FAM184A: variants seen among roughly 807,000 people sequenced by gnomAD.
FAM184A encodes the protein family with sequence similarity 184 member A.
In FAM184A, 99 loss-of-function variants were observed where a neutral mutation model predicts 143.8. The ratio of observed to expected loss-of-function variants is 0.69; its 90% confidence interval spans 0.58 to 0.81. The LOEUF (loss-of-function observed/expected upper bound fraction) is 0.81. FAM184A is among the 40% of genes least tolerant of loss of function. FAM184A has a pLI of 0.00. For synonymous variants in FAM184A, 427 were observed against 446.4 expected (o/e 0.96, Z 0.55); for missense variants, 1,217 against 1,310.5 (o/e 0.93, Z 1.10).
chr6:119,133,275 A>G (rs1457205477), intron 1 of FAM184A, among the ~76,000 whole-genome samples: 3 of 152,156 alleles, frequency 2.0e-5, no homozygotes, highest in Non-Finnish European at 4.4e-5. Context: ...AGTTTGATTT[A>G]TTCTGAATTG....
intron 1 of FAM184A, among the ~76,000 whole-genome samples, chr6:119,140,858 C>T (rs1477287477): frequency 6.6e-6 from 1 of 152,234 alleles, no homozygotes; most frequent in African/African-American, 2.4e-5. Flanking sequence ...CAGCCACTGT[C>T]TTTTCTATTA....
intron 1 of FAM184A, among the ~76,000 whole-genome samples, chr6:119,074,349 G>A (rs1429674136): frequency 1.3e-5 from 2 of 152,204 alleles, no homozygotes; most frequent in Non-Finnish European, 2.9e-5. Context: ...CCCCTTGCAA[G>A]AGACAGAGCA....
chr6:118,968,944 G>A (rs1783583241), intron 14 of FAM184A, among the ~76,000 whole-genome samples: 1 of 152,062 alleles, frequency 6.6e-6, no homozygotes, highest in Non-Finnish European at 1.5e-5. Flanking sequence ...ATCTGATATA[G>A]TTTGGCTGTG....
chr6:119,003,980 A>G (rs375113041), intron 7 of FAM184A, among the ~76,000 whole-genome samples: 76 of 152,286 alleles, frequency 5.0e-4, no homozygotes, highest in African/African-American at 1.7e-3. Flanking sequence ...ATAGACAGAT[A>G]TGTTATTCAA....
At chr6:119,099,252 CA>C (rs1354195138) in intron 1 of FAM184A, among the ~76,000 whole-genome samples, 1 of 152,130 alleles carries the variant, frequency 6.6e-6, no homozygotes, top group Non-Finnish European at 1.5e-5. Flanking sequence ...TCCTTTGTAA[CA>C]AGCCAGTGTT....
At chr6:119,136,643 C>T (rs1204888088) in intron 1 of FAM184A, among the ~76,000 whole-genome samples, 2 of 152,288 alleles carry the variant, frequency 1.3e-5, no homozygotes, top group African/African-American at 2.4e-5. Context: ...ATTAGGGTAG[C>T]TCCAGGAATC....
intron 1 of FAM184A, among the ~76,000 whole-genome samples, chr6:119,061,830 C>G (rs1787262558): frequency 6.6e-6 from 1 of 151,892 alleles, no homozygotes; most frequent in African/African-American, 2.4e-5. Context: ...ACAAAAGTAC[C>G]CTGATCTGAT....
chr6:119,057,584 T>A lies in FAM184A; in HGVS notation c.159+20557A>T, dbSNP rs192615434. On this transcript the variant is annotated intron_variant, in intron 1 of 17. Transcript: ENST00000338891. ...TGAGACCCCCAACTGTACAAAAAAATTTTTTTAATTATTCAGGTGTGGTGG... is the reference window on the plus strand; with the variant it reads ...TGAGACCCCCAACTGTACAAAAAAAATTTTTTAATTATTCAGGTGTGGTGG... 3.6e-3 allele frequency among the ~76,000 whole-genome samples: 546 copies of A among 151,980 alleles called. 1 individual carries two copies. The highest frequency in any genetic ancestry group is 6.3e-3 in the Non-Finnish European group (426 of 67,964).
chr6:119,053,507 C>T (rs151244865), intron 1 of FAM184A, among the ~76,000 whole-genome samples: 101 of 152,298 alleles, frequency 6.6e-4, no homozygotes, highest in African/African-American at 2.2e-3. Flanking sequence ...AACAGCCTAA[C>T]GCCAATTGTG....
At chr6:118,969,419 A>G (rs1783601699) in intron 14 of FAM184A, among the ~76,000 whole-genome samples, 1 of 152,232 alleles carries the variant, frequency 6.6e-6, no homozygotes. Flanking sequence ...CACAAACAGG[A>G]AAGCATTAAA....
chr6:119,074,258 G>A (rs1449299413), intron 1 of FAM184A, among the ~76,000 whole-genome samples: 1 of 152,162 alleles, frequency 6.6e-6, no homozygotes, highest in African/African-American at 2.4e-5. Flanking sequence ...AACCAGAACT[G>A]GCAAGACAAA....
chr6:119,138,920 C>T (rs1241959376), intron 1 of FAM184A, among the ~76,000 whole-genome samples: 1 of 152,118 alleles, frequency 6.6e-6, no homozygotes, highest in African/African-American at 2.4e-5. Context: ...GCCACCGCAC[C>T]CAGCCCCTTT....
intron 9 of FAM184A, among the ~76,000 whole-genome samples, chr6:118,993,883 T>C (rs2114617568): frequency 6.6e-6 from 1 of 152,270 alleles, no homozygotes; most frequent in African/African-American, 2.4e-5. Context: ...ATCAAAGCCC[T>C]TCAACAGTTC....
At chr6:119,048,122 A>G (rs1044799207) in intron 1 of FAM184A, among the ~76,000 whole-genome samples, 1 of 152,252 alleles carries the variant, frequency 6.6e-6, no homozygotes, top group African/African-American at 2.4e-5. Flanking sequence ...AGAACTAAAG[A>G]CAAAAGCCAC....
At chr6:119,056,322 T>C (rs1342392141) in intron 1 of FAM184A, among the ~76,000 whole-genome samples, 1 of 152,142 alleles carries the variant, frequency 6.6e-6, no homozygotes, top group African/African-American at 2.4e-5. Flanking sequence ...GGATGTCTGA[T>C]GAAGAAGAAG....
chr6:119,086,716 T>C (rs545687353), intron 1 of FAM184A, among the ~76,000 whole-genome samples: 23 of 152,320 alleles, frequency 1.5e-4, no homozygotes, highest in African/African-American at 5.3e-4. Context: ...CCGAAGACAA[T>C]CACGAGCCAT....
In FAM184A at chr6:119,011,914, G is replaced by T. The variant is rs369442810; in HGVS notation, c.1531-483C>A. On this transcript the variant is annotated intron_variant, in intron 5 of 17. Transcript: ENST00000338891. ...AATTACTGAAGATCACTTACTATTT[G>T]CCAGGCATGCTACTTAACACTTGGG... Among the ~76,000 whole-genome samples the T allele has an allele frequency of 2.0e-5, 3 of 152,184 alleles. No individual in the cohort carries two copies. In the East Asian group the frequency reaches 5.8e-4, roughly 29 times the overall value.
At chr6:118,976,191 T>C in intron 11 of FAM184A, 147 bp from the exon 12 acceptor site, 4 of 740,080 alleles carry the variant, frequency 5.4e-6, no homozygotes, top group Non-Finnish European at 8.7e-6. Context: ...CTATGACAAA[T>C]TTAAATATTA....
Position 118,975,906 on chromosome 6 carries a change from C to A in FAM184A, c.2583+11G>T. On this transcript the variant is annotated intron_variant, in intron 12 of 17. Transcript: ENST00000338891. The stretch of plus-strand genomic sequence containing the variant: ...TAAGAAATCATCAGAGTACAGAATA[C>A]TCTTACTTACCTGTCTTCTGCTGAT... The A allele has an allele frequency of 1.2e-6, 2 of 1,610,018 alleles. No individual in the cohort carries two copies. The highest frequency in any genetic ancestry group is 1.7e-6 in the Non-Finnish European group (2 of 1,178,904).
Sources: allele counts gnomAD v4.1 joint callset (sites outside exome capture counted in the v4.1 genomes callset), GRCh38; gene constraint gnomAD v4.1.1; transcripts MANE v1.5; gene names NCBI Gene and HGNC (gene_info 2026-07-23, HGNC 2026-07-21).